Variants in ESR2 observed in about 807,000 individuals in gnomAD.
ESR2 encodes estrogen receptor 2.
ESR2 carries 36 observed loss-of-function variants against 49.6 expected under a neutral mutation model. The ratio of observed to expected loss-of-function variants is 0.73; its 90% CI spans 0.56 to 0.96. The LOEUF (loss-of-function observed/expected upper bound fraction) is 0.96, where lower values mean the gene tolerates loss of function less well. ESR2 is among the 40% of genes least tolerant of loss of function. The pLI is 0.00. For synonymous variants in ESR2, 320 were observed against 266.1 expected (o/e 1.20, Z -1.97); for missense variants, 714 against 693.0 (o/e 1.03, Z -0.34).
At chr14:64,256,770 A>C (rs1014705962) in intron 6 of ESR2, among the ~76,000 whole-genome samples, 36 of 152,136 alleles carry the variant, frequency 2.4e-4, no homozygotes, top group African/African-American at 7.7e-4. Flanking sequence ...ACAAAAAAAA[A>C]CAAAAGAGTG....
intron 1 of ESR2, among the ~76,000 whole-genome samples, chr14:64,316,572 G>T (rs2077258055): frequency 1.3e-5 from 2 of 152,128 alleles, no homozygotes; most frequent in African/African-American, 4.8e-5. Context: ...ACTTTGGGAG[G>T]CCAAGGTGGG....
At position 64,231,649 on chromosome 14, in the gene ESR2, C is replaced by T. The variant is rs2098727348; in HGVS notation, c.*1488G>A. ...AGTCTTCCTAATGACTTAGTAAATA[C>T]AGGATGTGCTACCCAAAGTGAACAT... On this transcript the variant is annotated 3_prime_UTR_variant, in exon 9 of 9. Coordinates refer to ENST00000341099, the MANE Select transcript of ESR2 (RefSeq NM_001437.3). The T allele has an allele frequency of 6.6e-6, 1 of 152,148 alleles. No homozygotes were observed. The highest frequency in any genetic ancestry group is 2.4e-5 in the African/African-American group (1 of 41,432). The allele number at this position is 152,148 out of a possible 1,614,324, so 9.4% of individuals were successfully genotyped here. A position where few individuals can be genotyped will look rare whatever the true frequency, so the allele number is the denominator to read the frequency against.
intron 1 of ESR2, among the ~76,000 whole-genome samples, chr14:64,322,332 T>A (rs2077334162): frequency 6.6e-6 from 1 of 152,076 alleles, no homozygotes; most frequent in Admixed American, 6.6e-5. Flanking sequence ...GTGCTGGGAT[T>A]ACAGGCATGT....
chr14:64,332,777 G>A (rs1183752763), intron 1 of ESR2, among the ~76,000 whole-genome samples: 1 of 148,904 alleles, frequency 6.7e-6, no homozygotes, highest in Non-Finnish European at 1.5e-5. Context: ...TCCAGCCTGG[G>A]GGACAGAGTG....
chr14:64,289,095 C>T (rs557148291), intron 1 of ESR2, among the ~76,000 whole-genome samples: 1 of 152,196 alleles, frequency 6.6e-6, no homozygotes, highest in South Asian at 2.1e-4. Context: ...GCCTGAAAGC[C>T]AGGCAATCTT....
At chr14:64,311,712 G>T (rs1246438847) in intron 1 of ESR2, among the ~76,000 whole-genome samples, 1 of 151,186 alleles carries the variant, frequency 6.6e-6, no homozygotes, top group Non-Finnish European at 1.5e-5. Flanking sequence ...TATTTGGTAG[G>T]CTGAGCAGGG....
chr14:64,306,631 C>T (rs1021435038), intron 1 of ESR2, among the ~76,000 whole-genome samples: 4 of 152,110 alleles, frequency 2.6e-5, no homozygotes, highest in Non-Finnish European at 5.9e-5. Context: ...AAATAAACTC[C>T]GGTTGGTCTT....
chr14:64,290,084 G>A (rs2076846924), intron 1 of ESR2, among the ~76,000 whole-genome samples: 1 of 151,996 alleles, frequency 6.6e-6, no homozygotes, highest in Non-Finnish European at 1.5e-5. Flanking sequence ...CTTTTTTGGG[G>A]GGTGGGGGTT....
intron 3 of ESR2, among the ~76,000 whole-genome samples, chr14:64,278,869 C>T (rs112534496): frequency 3.3e-5 from 5 of 152,144 alleles, no homozygotes; most frequent in African/African-American, 1.2e-4. Context: ...CAAAGTTAAC[C>T]TGAAAAATAA....
intron 1 of ESR2, among the ~76,000 whole-genome samples, chr14:64,284,937 C>T (rs1297800032): frequency 6.6e-6 from 1 of 151,834 alleles, no homozygotes; most frequent in African/African-American, 2.4e-5. Context: ...GCAACCTCCA[C>T]CTTCCAGGTT....
At chr14:64,257,155 G>T in intron 6 of ESR2, 71 bp downstream of exon 6, 1 of 1,424,040 alleles carries the variant, frequency 7.0e-7, no homozygotes, top group South Asian at 1.2e-5. Flanking sequence ...CAGCACCCAG[G>T]ACTTTGTTCC....
chr14:64,314,732 G>T (rs1008987767), intron 1 of ESR2, among the ~76,000 whole-genome samples: 5 of 151,114 alleles, frequency 3.3e-5, no homozygotes, highest in African/African-American at 4.9e-5. Context: ...ACAAAAATTA[G>T]CTGGGCCTGG....
At chr14:64,289,555 A>T (rs1484860430) in intron 1 of ESR2, among the ~76,000 whole-genome samples, 2 of 152,100 alleles carry the variant, frequency 1.3e-5, no homozygotes, top group African/African-American at 4.8e-5. Flanking sequence ...AAAAGAAAGC[A>T]TTCTGTAAGG....
In ESR2 at chr14:64,306,956, A is replaced by C. The variant is rs1016887846; in HGVS notation, c.-90-23881T>G. Among the ~76,000 whole-genome samples, 3 of 152,314 alleles carry C rather than the reference A, an allele frequency of 2.0e-5. No homozygotes were observed. The East Asian group carries it at 5.8e-4, about 29-fold the overall frequency. On this transcript the variant is annotated intron_variant, in intron 1 of 8. Transcript: ENST00000358599. Reference sequence around the variant, plus strand: ...AACTACAAATTCAATTTTAAAAAATAGATATAGGACTACTCAGGTCAGCTC... The same window carrying C: ...AACTACAAATTCAATTTTAAAAAATCGATATAGGACTACTCAGGTCAGCTC...
At position 64,260,708 on chromosome 14, in the gene ESR2, T is replaced by C. The variant is rs767711085; in HGVS notation, c.693A>G (p.Arg231=). 1.5e-5 allele frequency: 23 copies of C among 1,551,486 alleles called. No homozygotes were observed. Among genetic ancestry groups the C allele is most frequent in the South Asian group, 2.4e-5 (2 of 82,780 alleles). ...RERCGYRLVR[R]QRSADEQLHC... Reference sequence around the variant, plus strand: ...GCAGCTGCTCGTCGGCACTTCTCTGTCTCCGCACAAGGCGGTACCCACATC... The same window carrying C: ...GCAGCTGCTCGTCGGCACTTCTCTGCCTCCGCACAAGGCGGTACCCACATC... Residue 231 remains arginine, a synonymous_variant, in exon 5 of 9, where the codon AGA becomes AGG. Coordinates refer to ENST00000341099, the MANE Select transcript of ESR2 (RefSeq NM_001437.3).
chr14:64,239,688 A>C (rs2075679990), intron 7 of ESR2, among the ~76,000 whole-genome samples: 1 of 152,200 alleles, frequency 6.6e-6, no homozygotes, highest in South Asian at 2.1e-4. Flanking sequence ...GTTTATAAAA[A>C]CACTCTAACA....
At chr14:64,288,820 C>A (rs2076823310) in intron 1 of ESR2, among the ~76,000 whole-genome samples, 1 of 151,348 alleles carries the variant, frequency 6.6e-6, no homozygotes, top group African/African-American at 2.4e-5. Flanking sequence ...AACCCAGTCT[C>A]TACTAAAAAT....
At position 64,268,809 on chromosome 14, in the gene ESR2, C is replaced by G; in HGVS notation, c.638G>C (p.Gly213Ala). 1 of 1,610,186 alleles carries G rather than the reference C, an allele frequency of 6.2e-7. No homozygotes were observed. The change falls in exon 4 of 9, where the codon GGA becomes GCA. Residue 213 changes from glycine (G) to alanine (A), a missense_variant. Transcript: ENST00000341099. ...CAAGCACTCACCACACTTCACCATT[C>G]CCACTTCGTAACACTTCCGAAGTCG... is the stretch of plus-strand genomic sequence containing the variant. ...ACRLRKCYEVGMVKCGSRRER... is the reference protein window; with the variant it reads ...ACRLRKCYEVAMVKCGSRRER...
downstream of ESR2, chr14:64,228,054 A>G (rs1025123194): frequency 1.6e-5 from 22 of 1,401,546 alleles, no homozygotes; most frequent in Admixed American, 4.4e-4. Context: ...ACCTGTGGTC[A>G]TAAATCAATC....
Sources: gnomAD v4.1 joint callset for allele counts (sites outside exome capture counted in the v4.1 genomes callset) on GRCh38, gnomAD v4.1.1 for gene constraint, MANE v1.5 for transcripts, NCBI Gene and HGNC (gene_info 2026-07-23, HGNC 2026-07-21) for gene names.